The following COL22A1 variants were observed in gnomAD, a reference collection of about 807,000 sequenced individuals.
The protein encoded by COL22A1 is collagen alpha-1(XXII) chain.
COL22A1 carries 221 observed loss-of-function variants against 248.9 expected under a neutral mutation model. The ratio of observed to expected loss-of-function variants is 0.89; its 90% CI spans 0.80 to 0.99. COL22A1 has a LOEUF of 0.99. Ranked by LOEUF, COL22A1 falls within the 50% of genes least tolerant of loss-of-function variation. COL22A1 has a pLI of 0.00. For missense variants in COL22A1, 2,240 were observed against 2,179.0 expected (o/e 1.03, Z -0.56); for synonymous variants, 891 against 793.4 (o/e 1.12, Z -2.07).
intron 23 of COL22A1, among the ~76,000 whole-genome samples, chr8:138,728,799 A>G (rs1314214417): frequency 1.3e-5 from 2 of 152,096 alleles, no homozygotes; most frequent in Admixed American, 6.5e-5. Flanking sequence ...AAATGCAGGT[A>G]CACAGAACCC....
intron 37 of COL22A1, among the ~76,000 whole-genome samples, chr8:138,686,183 A>G (rs1469520155): frequency 6.6e-6 from 1 of 152,230 alleles, no homozygotes; most frequent in Non-Finnish European, 1.5e-5. Flanking sequence ...ACAGAGCCTA[A>G]AGCTGCAATG....
intron 39 of COL22A1, among the ~76,000 whole-genome samples, chr8:138,680,068 T>C (rs1347117254): frequency 1.3e-5 from 2 of 152,190 alleles, no homozygotes; most frequent in African/African-American, 4.8e-5. Flanking sequence ...ACCTTACAAT[T>C]TCATAAACTG....
At chr8:138,751,773 A>G (rs1257897483) in intron 21 of COL22A1, among the ~76,000 whole-genome samples, 1 of 152,194 alleles carries the variant, frequency 6.6e-6, no homozygotes, top group East Asian at 1.9e-4. Flanking sequence ...TAAGCATCCA[A>G]CAGCTTGCTT....
At chr8:138,703,189 T>C (rs1283938922) in intron 31 of COL22A1, 117 bp downstream of exon 31, 1 of 899,660 alleles carries the variant, frequency 1.1e-6, no homozygotes, top group Admixed American at 1.9e-5. Flanking sequence ...GGCCTAGCTA[T>C]TGGCAAACTC....
chr8:138,829,433 G>A (rs1819861326), intron 5 of COL22A1, among the ~76,000 whole-genome samples: 1 of 88,994 alleles, frequency 1.1e-5, no homozygotes, highest in Non-Finnish European at 2.1e-5. Flanking sequence ...TTGAGACAGA[G>A]TCTCGCTTTG....
chr8:138,897,565 A>C (rs941430613), intron 1 of COL22A1, among the ~76,000 whole-genome samples: 1 of 151,966 alleles, frequency 6.6e-6, no homozygotes, highest in Non-Finnish European at 1.5e-5. Flanking sequence ...TAATAATAAT[A>C]ATAATAATAA....
chr8:138,908,033 TC>T (rs1174840113), intron 1 of COL22A1, among the ~76,000 whole-genome samples: 1 of 151,908 alleles, frequency 6.6e-6, no homozygotes, highest in Non-Finnish European at 1.5e-5. Flanking sequence ...CTTTCTGCTC[TC>T]CCTCCCTCCC....
At chr8:138,715,213 C>G (rs892607127) in intron 30 of COL22A1, among the ~76,000 whole-genome samples, 50 of 152,234 alleles carry the variant, frequency 3.3e-4, no homozygotes, top group African/African-American at 1.1e-3. Flanking sequence ...ATTATTTTCT[C>G]AAAAAGCAGC....
chr8:138,693,761 C>T, intron 34 of COL22A1, 62 bp from the exon 35 acceptor site: 1 of 1,519,464 alleles, frequency 6.6e-7, no homozygotes, highest in Non-Finnish European at 8.9e-7. Context: ...TTTCCCCTCA[C>T]AGCAGGGAGG....
chr8:138,662,075 T>C lies in COL22A1; in HGVS notation c.3195A>G (p.Arg1065=), dbSNP rs371403301. ...PPGDKGSPGS[R]GLPGFPGPQG... is the part of the protein sequence containing the mutation. The stretch of plus-strand genomic sequence containing the variant: ...GGGGGCCAGGGAATCCAGGTAAGCC[T>C]CGTGATCCCTGAAGAAAAAGAAAAG... The change falls in exon 43 of 65, where the codon CGA becomes CGG. Residue 1065 remains arginine, a synonymous_variant. Coordinates refer to ENST00000303045, the MANE Select transcript of COL22A1 (RefSeq NM_152888.3). 1 of 1,612,312 alleles carries C rather than the reference T, an allele frequency of 6.2e-7. No individual in the cohort carries two copies. Among genetic ancestry groups the C allele is most frequent in the South Asian group, 1.1e-5 (1 of 90,686 alleles).
At chr8:138,775,817 C>T in intron 16 of COL22A1, 149 bp downstream of exon 16, 1 of 801,566 alleles carries the variant, frequency 1.2e-6, no homozygotes, top group Admixed American at 1.8e-5. Flanking sequence ...CACACATACA[C>T]ATGCAAATAT....
At chr8:138,787,732 C>A (rs963927265) in intron 12 of COL22A1, among the ~76,000 whole-genome samples, 3 of 152,184 alleles carry the variant, frequency 2.0e-5, no homozygotes, top group Admixed American at 6.5e-5. Context: ...CAGGGCTTGG[C>A]TCCAAGTCCA....
chr8:138,755,415 G>C (rs1832916721), intron 20 of COL22A1, 67 bp downstream of exon 20: 1 of 1,524,018 alleles, frequency 6.6e-7, no homozygotes, highest in South Asian at 1.1e-5. Context: ...CTGAGATCAT[G>C]GTTGTGGCTT....
chr8:138,802,126 T>C (rs1817047097), intron 11 of COL22A1, among the ~76,000 whole-genome samples: 1 of 152,168 alleles, frequency 6.6e-6, no homozygotes, highest in African/African-American at 2.4e-5. Context: ...GTTATTTTAT[T>C]ATCCCCATTT....
intron 11 of COL22A1, among the ~76,000 whole-genome samples, chr8:138,800,281 C>T (rs1354322985): frequency 2.6e-5 from 4 of 152,218 alleles, no homozygotes; most frequent in Non-Finnish European, 5.9e-5. Context: ...CCTGAGGTTG[C>T]ACCTCCACCC....
chr8:138,770,073 C>T (rs990028037), intron 16 of COL22A1, among the ~76,000 whole-genome samples: 1 of 152,150 alleles, frequency 6.6e-6, no homozygotes, highest in African/African-American at 2.4e-5. Flanking sequence ...CAGAGCTTGT[C>T]TAAGGTACCT....
At chr8:138,725,541 G>A (rs1361689584) in intron 23 of COL22A1, 101 bp from the exon 24 acceptor site, 4 of 904,096 alleles carry the variant, frequency 4.4e-6, no homozygotes, top group Non-Finnish European at 6.7e-6. Context: ...ACAGGAGGAT[G>A]AGGTGGGATT....
At chr8:138,826,291 C>T (rs1199000546) in intron 6 of COL22A1, among the ~76,000 whole-genome samples, 1 of 152,162 alleles carries the variant, frequency 6.6e-6, no homozygotes, top group East Asian at 1.9e-4. Context: ...GTCTATGTGA[C>T]CCTGAGCCAG....
intron 44 of COL22A1, among the ~76,000 whole-genome samples, chr8:138,658,602 A>G (rs893937447): frequency 2.0e-5 from 3 of 152,132 alleles, no homozygotes; most frequent in African/African-American, 7.2e-5. Flanking sequence ...GGACAAATGG[A>G]AGCTTGTATT....
Sources: gnomAD v4.1 joint callset for allele counts (sites outside exome capture counted in the v4.1 genomes callset) on GRCh38, gnomAD v4.1.1 for gene constraint, MANE v1.5 for transcripts, NCBI Gene and HGNC (gene_info 2026-07-23, HGNC 2026-07-21) for gene names.